The following EYS variants were observed in gnomAD, a reference collection of about 807,000 sequenced individuals.
EYS encodes EGF-like photoreceptor maintenance factor.
A neutral mutation model predicts 282.1 loss-of-function variants in EYS; 250 were observed. The observed-to-expected ratio is 0.89, with a 90% CI of 0.80 to 0.98. The LOEUF (loss-of-function observed/expected upper bound fraction) is 0.98, where lower values mean the gene tolerates loss of function less well. Ranked by LOEUF, EYS falls within the 50% of genes least tolerant of loss-of-function variation. EYS has a pLI of 0.00. For synonymous variants in EYS, 1,355 were observed against 1,282.9 expected (o/e 1.06, Z -1.20); for missense variants, 4,016 against 3,709.0 (o/e 1.08, Z -2.15).
intron 22 of EYS, among the ~76,000 whole-genome samples, chr6:64,722,855 C>T (rs887485731): frequency 6.6e-6 from 1 of 152,044 alleles, no homozygotes; most frequent in Non-Finnish European, 1.5e-5. Context: ...AAGGATTACC[C>T]CTTTTTCTTT....
At chr6:64,198,621 C>T (rs978019397) in intron 31 of EYS, among the ~76,000 whole-genome samples, 5 of 152,016 alleles carry the variant, frequency 3.3e-5, no homozygotes, top group East Asian at 1.9e-4. Flanking sequence ...ATGATGGTTC[C>T]CAGCTTCATC....
chr6:65,148,545 C>T (rs1303784844), intron 12 of EYS, among the ~76,000 whole-genome samples: 2 of 152,044 alleles, frequency 1.3e-5, no homozygotes, highest in East Asian at 1.9e-4. Flanking sequence ...CATGAGTTGG[C>T]ATTTAGTGTC....
intron 14 of EYS, among the ~76,000 whole-genome samples, chr6:64,967,196 T>G (rs1583341512): frequency 6.6e-6 from 1 of 152,256 alleles, no homozygotes; most frequent in East Asian, 1.9e-4. Flanking sequence ...CAGAATTACT[T>G]TTCTAAAAAT....
intron 22 of EYS, among the ~76,000 whole-genome samples, chr6:64,684,051 C>T (rs1161449944): frequency 1.3e-5 from 2 of 152,170 alleles, no homozygotes; most frequent in Non-Finnish European, 2.9e-5. Flanking sequence ...TGCCAACTCT[C>T]TCACTCTTTC....
At chr6:64,258,384 C>A (rs531762641) in intron 30 of EYS, among the ~76,000 whole-genome samples, 2 of 152,036 alleles carry the variant, frequency 1.3e-5, no homozygotes, top group South Asian at 4.1e-4. Context: ...TAAAATAAAT[C>A]GGTTGCTAAT....
At chr6:64,332,626 G>A (rs948311052) in intron 29 of EYS, among the ~76,000 whole-genome samples, 3 of 152,066 alleles carry the variant, frequency 2.0e-5, no homozygotes, top group Admixed American at 1.3e-4. Flanking sequence ...CACCTGACAC[G>A]GCTGATCCTG....
chr6:64,394,850 C>A (rs201787385), intron 28 of EYS, among the ~76,000 whole-genome samples: 1 of 151,960 alleles, frequency 6.6e-6, no homozygotes, highest in Non-Finnish European at 1.5e-5. Context: ...AGGCAACTGA[C>A]AAAATGGGAG....
intron 26 of EYS, among the ~76,000 whole-genome samples, chr6:64,473,326 T>C (rs1434699715): frequency 6.6e-6 from 1 of 152,190 alleles, no homozygotes; most frequent in Non-Finnish European, 1.5e-5. Flanking sequence ...GCATTTATCT[T>C]AATGTGAAAT....
intron 29 of EYS, among the ~76,000 whole-genome samples, chr6:64,340,900 G>A (rs1771077248): frequency 6.6e-6 from 1 of 151,768 alleles, no homozygotes. Context: ...TAAAATGTGG[G>A]CAAAAGACAT....
Position 65,617,510 on chromosome 6 carries a change from T to A in EYS, c.-333+22268A>T, listed in dbSNP as rs1254815340. 6.6e-5 allele frequency among the ~76,000 whole-genome samples: 10 copies of A among 151,954 alleles called. No individual in the cohort carries two copies. The South Asian group carries it at 2.1e-3, about 31-fold the overall frequency. The stretch of plus-strand genomic sequence containing the variant: ...GACCTGAATTAAAATTATATAAAAT[T>A]AGCAAAATAAGTTCATATGGTATTA... On this transcript the variant is annotated intron_variant, in intron 2 of 42. Transcript: ENST00000503581.
intron 33 of EYS, among the ~76,000 whole-genome samples, chr6:64,023,275 A>C (rs1582149645): frequency 6.6e-6 from 1 of 152,200 alleles, no homozygotes; most frequent in East Asian, 1.9e-4. Flanking sequence ...ATACTTCTCC[A>C]TTTGGGTTGT....
At chr6:63,849,159 A>G (rs2149701777) in intron 36 of EYS, among the ~76,000 whole-genome samples, 1 of 152,310 alleles carries the variant, frequency 6.6e-6, no homozygotes, top group East Asian at 1.9e-4. Context: ...TGGGCAGGGC[A>G]TCTTTGAAAG....
chr6:65,504,091 CTCTT>C (rs1265715422), intron 2 of EYS, among the ~76,000 whole-genome samples: 3 of 151,488 alleles, frequency 2.0e-5, no homozygotes, highest in African/African-American at 4.8e-5. Context: ...AACATGAAAT[CTCTT>C]TCTATTTATT....
At chr6:65,168,748 A>G (rs1765035689) in intron 12 of EYS, among the ~76,000 whole-genome samples, 1 of 151,320 alleles carries the variant, frequency 6.6e-6, no homozygotes, top group Admixed American at 6.6e-5. Context: ...GGCCACTTTG[A>G]GGTTTTCAAC....
chr6:65,614,655 A>T (rs1271829787), intron 2 of EYS, among the ~76,000 whole-genome samples: 1 of 152,142 alleles, frequency 6.6e-6, no homozygotes, highest in Non-Finnish European at 1.5e-5. Flanking sequence ...CTACTTGGCA[A>T]GAAAAACATT....
intron 22 of EYS, among the ~76,000 whole-genome samples, chr6:64,668,655 T>TG (rs1038975892): frequency 3.3e-5 from 5 of 150,896 alleles, no homozygotes; most frequent in Non-Finnish European, 5.9e-5. Context: ...AGCTCGGCCT[T>TG]CTGGGTTCAC....
chr6:65,507,774 G>A (rs1471125408), intron 2 of EYS, among the ~76,000 whole-genome samples: 1 of 151,818 alleles, frequency 6.6e-6, no homozygotes, highest in East Asian at 1.9e-4. Context: ...TTTATTTCTA[G>A]CATTTTCTTT....
intron 2 of EYS, among the ~76,000 whole-genome samples, chr6:65,637,475 A>G (rs1767129219): frequency 6.6e-6 from 1 of 152,160 alleles, no homozygotes; most frequent in South Asian, 2.1e-4. Context: ...AGCCAGGAGC[A>G]GGCGAGAGCC....
chr6:65,547,211 A>G (rs1768424397), intron 2 of EYS, among the ~76,000 whole-genome samples: 1 of 150,138 alleles, frequency 6.7e-6, no homozygotes, highest in Non-Finnish European at 1.5e-5. Context: ...CTCATCTAGT[A>G]TAGCCAATTT....
Sources: gnomAD v4.1 joint callset for allele counts (sites outside exome capture counted in the v4.1 genomes callset) on GRCh38, gnomAD v4.1.1 for gene constraint, MANE v1.5 for transcripts, NCBI Gene and HGNC (gene_info 2026-07-23, HGNC 2026-07-21) for gene names.